Variants in HTR1E observed in about 807,000 individuals in gnomAD.
HTR1E encodes 5-HT-1E.
In HTR1E, 3 loss-of-function variants were observed where a neutral mutation model predicts 3.4. The ratio of observed to expected loss-of-function variants is 0.89; its 90% CI spans 0.41 to 2.31. The LOEUF (loss-of-function observed/expected upper bound fraction) is 2.31. Ranked by LOEUF, HTR1E falls within the 30% of genes most tolerant of loss-of-function variation. The pLI is 0.05. For missense variants in HTR1E, 392 were observed against 467.0 expected, an observed-to-expected ratio of 0.84 and a Z score of 1.48; for synonymous variants, 170 against 182.8, an observed-to-expected ratio of 0.93 and a Z score of 0.56.
rs1768328165 is a variant in HTR1E at position 87,016,443 on chromosome 6, G to A, written c.*11G>A. 3 of 1,567,784 alleles carry A rather than the reference G, an allele frequency of 1.9e-6. No homozygotes were observed. The highest frequency in any genetic ancestry group is 4.5e-5 in the East Asian group (2 of 44,250). ...CGAGAGCATACTTAGACTGTAAAAA[G>A]CTAAAAGGCACGACTTTTTCCAGAG... On this transcript the variant is annotated 3_prime_UTR_variant, in exon 2 of 2. Transcript: ENST00000305344.
chr6:86,944,222 C>T (rs1435534088), intron 1 of HTR1E, among the ~76,000 whole-genome samples: 1 of 152,116 alleles, frequency 6.6e-6, no homozygotes, highest in Non-Finnish European at 1.5e-5. Context: ...AAGTGATATC[C>T]CATGGCTTCT....
Position 87,015,491 on chromosome 6 carries a change from C to T in HTR1E, c.157C>T (p.Leu53Phe). ...CATGGCTATTGGCACCACCAAGAAG[C>T]TCCACCAGCCTGCCAACTACCTAAT... Reference protein sequence around the residue: ...VIMAIGTTKKLHQPANYLICS... With the variant: ...VIMAIGTTKKFHQPANYLICS... Residue 53 changes from leucine to phenylalanine, a missense_variant, in exon 2 of 2, where the codon CTC becomes TTC. By Grantham distance (22) the Leu-to-Phe change is conservative. This residue lies in a region of HTR1E where 189 missense variants were observed against 258.0 expected (regional missense o/e 0.73). Coordinates refer to ENST00000305344, the MANE Select transcript of HTR1E (RefSeq NM_000865.3). 6.2e-7 allele frequency: 1 copy of T among 1,614,076 alleles called. No homozygotes were observed. Among genetic ancestry groups the T allele is most frequent in the Non-Finnish European group, 8.5e-7 (1 of 1,179,974 alleles).
chr6:86,972,229 A>G (rs1767568084), intron 1 of HTR1E, among the ~76,000 whole-genome samples: 1 of 152,218 alleles, frequency 6.6e-6, no homozygotes, highest in Admixed American at 6.5e-5. Context: ...TCTATTCATA[A>G]GTTAATGCTG....
chr6:87,003,985 T>C (rs1212600184), intron 1 of HTR1E, among the ~76,000 whole-genome samples: 2 of 152,170 alleles, frequency 1.3e-5, no homozygotes, highest in African/African-American at 4.8e-5. Flanking sequence ...TGCAATTATA[T>C]GCCAATAAAC....
intron 1 of HTR1E, among the ~76,000 whole-genome samples, chr6:86,940,567 G>A (rs1234365589): frequency 6.6e-6 from 1 of 152,056 alleles, no homozygotes; most frequent in African/African-American, 2.4e-5. Flanking sequence ...GAAAAAGAAA[G>A]TAGGTCTCTT....
intron 1 of HTR1E, among the ~76,000 whole-genome samples, chr6:86,956,999 G>C (rs1767335591): frequency 6.6e-6 from 1 of 152,058 alleles, no homozygotes; most frequent in Non-Finnish European, 1.5e-5. Context: ...GTGTTCACTG[G>C]GTTCAATGGC....
At chr6:86,980,608 T>A (rs148025958) in intron 1 of HTR1E, among the ~76,000 whole-genome samples, 3 of 152,128 alleles carry the variant, frequency 2.0e-5, no homozygotes, top group Admixed American at 2.0e-4. Flanking sequence ...TTAATGCTAG[T>A]TTTTAGTCAT....
At chr6:86,966,363 C>T (rs1414335742) in intron 1 of HTR1E, among the ~76,000 whole-genome samples, 1 of 152,106 alleles carries the variant, frequency 6.6e-6, no homozygotes, top group East Asian at 1.9e-4. Context: ...GGAAACTCTC[C>T]ATCCAGTTAT....
At chr6:87,010,863 G>A (rs995606312) in intron 1 of HTR1E, among the ~76,000 whole-genome samples, 82 of 152,274 alleles carry the variant, frequency 5.4e-4, no homozygotes, top group African/African-American at 1.8e-3. Context: ...CCCGGGCGGC[G>A]CTCGCCGGCC....
At chr6:86,952,570 C>A (rs6916064) in intron 1 of HTR1E, among the ~76,000 whole-genome samples, 142 of 152,156 alleles carry the variant, frequency 9.3e-4, no homozygotes, top group African/African-American at 3.3e-3. Context: ...CCATATATGA[C>A]TTAACCATCT....
intron 1 of HTR1E, among the ~76,000 whole-genome samples, chr6:86,980,932 C>T (rs1391266758): frequency 6.6e-6 from 1 of 152,076 alleles, no homozygotes; most frequent in Non-Finnish European, 1.5e-5. Context: ...ATTGACAGTC[C>T]GTGTGTACAT....
At chr6:86,961,083 T>C (rs969403956) in intron 1 of HTR1E, among the ~76,000 whole-genome samples, 2 of 152,360 alleles carry the variant, frequency 1.3e-5, no homozygotes, top group Non-Finnish European at 2.9e-5. Context: ...CCTGGTCCTA[T>C]TTCCAAATAC....
chr6:86,940,001 C>T (rs1033456254), intron 1 of HTR1E, among the ~76,000 whole-genome samples: 2 of 152,122 alleles, frequency 1.3e-5, no homozygotes, highest in Admixed American at 1.3e-4. Context: ...AGGAAGATAA[C>T]GAAGTCAGCG....
chr6:86,995,688 G>GAAA (rs58476122), intron 1 of HTR1E, among the ~76,000 whole-genome samples: 2 of 55,200 alleles, frequency 3.6e-5, no homozygotes, highest in Non-Finnish European at 7.6e-5. Flanking sequence ...AAAAAAAAAA[G>GAAA]AAAAAAAAAA....
intron 1 of HTR1E, among the ~76,000 whole-genome samples, chr6:86,952,243 G>C (rs907438084): frequency 1.3e-5 from 2 of 151,862 alleles, no homozygotes; most frequent in African/African-American, 4.8e-5. Flanking sequence ...TTTCAATTTC[G>C]AGATTCAAAC....
intron 1 of HTR1E, among the ~76,000 whole-genome samples, chr6:86,968,754 T>C (rs1767509038): frequency 6.6e-6 from 1 of 152,174 alleles, no homozygotes; most frequent in Non-Finnish European, 1.5e-5. Context: ...TAGTGTGGCA[T>C]TCGTTTTCAT....
At chr6:86,973,391 G>T (rs200332949) in intron 1 of HTR1E, among the ~76,000 whole-genome samples, 1 of 151,774 alleles carries the variant, frequency 6.6e-6, no homozygotes, top group East Asian at 1.9e-4. Context: ...AGGCTGACAG[G>T]GAACGCAGGA....
chr6:86,993,269 A>C (rs1767894505), intron 1 of HTR1E, among the ~76,000 whole-genome samples: 1 of 146,492 alleles, frequency 6.8e-6, no homozygotes, highest in African/African-American at 2.7e-5. Flanking sequence ...TAAAAAGTTT[A>C]TTTAAAAAAA....
chr6:87,005,674 G>GC, intron 1 of HTR1E, among the ~76,000 whole-genome samples: 1 of 152,110 alleles, frequency 6.6e-6, no homozygotes, highest in Non-Finnish European at 1.5e-5. Flanking sequence ...CAAGACATTA[G>GC]TCTGGACAAA....
Sources: gnomAD v4.1 joint callset for allele counts (sites outside exome capture counted in the v4.1 genomes callset) on GRCh38, gnomAD v4.1.1 for gene constraint, gnomAD v4.1.1 regional missense constraint, MANE v1.5 for transcripts, NCBI Gene and HGNC (gene_info 2026-07-23, HGNC 2026-07-21) for gene names.